Variants in ADGRF5 observed in about 807,000 individuals in gnomAD.
The protein encoded by ADGRF5 is adhesion G protein-coupled receptor F5, also known as G-protein coupled receptor 116.
ADGRF5 carries 75 observed loss-of-function variants against 132.3 expected under a neutral mutation model. That is an observed-to-expected ratio of 0.57 (90% confidence interval 0.47 to 0.69). The LOEUF is 0.69. ADGRF5 is among the 30% of genes least tolerant of loss of function. ADGRF5 has a pLI of 0.00. For missense variants in ADGRF5, 1,516 were observed against 1,630.6 expected (o/e 0.93, Z 1.21); for synonymous variants, 629 against 597.6 (o/e 1.05, Z -0.77).
In ADGRF5 at chr6:46,877,277, TTC is replaced by T. The variant is rs1486517053; in HGVS notation, c.1240+923_1240+924del. ...TTTCTTTCTTTCTTTCTTTCTTTCT[TTC>T]TTTCTTTCTTTCTCTCTCTCTCTCT... On this transcript the variant is annotated intron_variant, in intron 10 of 20. Transcript: ENST00000283296. 2.6e-4 allele frequency among the ~76,000 whole-genome samples: 12 copies of T among 46,152 alleles called. No homozygotes were observed. In the East Asian group the frequency reaches 5.0e-3, roughly 19 times the overall value. 30.3% of individuals were successfully genotyped at this position (46,152 alleles called of 152,430 possible).
At chr6:46,899,413 G>A (rs1562212280) in intron 3 of ADGRF5, among the ~76,000 whole-genome samples, 1 of 152,096 alleles carries the variant, frequency 6.6e-6, no homozygotes, top group South Asian at 2.1e-4. Context: ...CCAGGTCCTG[G>A]GAATACCCAG....
intron 1 of ADGRF5, among the ~76,000 whole-genome samples, chr6:46,909,468 C>G (rs1651768023): frequency 6.6e-6 from 1 of 152,194 alleles, no homozygotes; most frequent in African/African-American, 2.4e-5. Context: ...ACTCTATTTT[C>G]CTGTCTGTGA....
chr6:46,942,321 G>A (rs1001192317), intron 1 of ADGRF5, among the ~76,000 whole-genome samples: 1 of 152,204 alleles, frequency 6.6e-6, no homozygotes, highest in Non-Finnish European at 1.5e-5. Context: ...ACTTAGCGCA[G>A]TATCTGGCAC....
Position 46,856,638 on chromosome 6 carries a change from A to C in ADGRF5, c.3876+80T>G, listed in dbSNP as rs1459120905. The C allele has an allele frequency of 8.4e-6, 8 of 948,392 alleles. No homozygotes were observed. In the Admixed American group the frequency reaches 1.8e-4, roughly 21 times the overall value. The allele number at this position is 948,392 out of a possible 1,614,324, so 58.7% of individuals were successfully genotyped here. On this transcript the variant is annotated intron_variant, in intron 19 of 20. Transcript: ENST00000283296. ...AATTGATCAAAATCCCAAAGAAAAA[A>C]TTTAGTACTCTGTACTTCAGAATGC...
At chr6:46,889,239 GTC>G (rs1391170225) in intron 3 of ADGRF5, among the ~76,000 whole-genome samples, 1 of 145,384 alleles carries the variant, frequency 6.9e-6, no homozygotes, top group East Asian at 2.0e-4. Context: ...AGTATATACA[GTC>G]TCTATATAGA....
intron 12 of ADGRF5, among the ~76,000 whole-genome samples, chr6:46,867,469 G>A (rs1770578939): frequency 1.3e-5 from 2 of 152,168 alleles, no homozygotes; most frequent in Admixed American, 6.5e-5. Flanking sequence ...CCAACCCAAG[G>A]AATAAATGGG....
Position 46,858,109 on chromosome 6 carries a change from C to A in ADGRF5, c.3774+20G>T, listed in dbSNP as rs770669143. Reference sequence around the variant, plus strand: ...TACAGGAATAAAATCTTCCTGAAAGCTCCGCACTGTAAAACTCACCTGGAA... The same window carrying A: ...TACAGGAATAAAATCTTCCTGAAAGATCCGCACTGTAAAACTCACCTGGAA... On this transcript the variant is annotated intron_variant, in intron 17 of 20. Transcript: ENST00000283296. 8.8e-5 allele frequency: 139 copies of A among 1,570,958 alleles called. No individual in the cohort carries two copies. The highest frequency in any genetic ancestry group is 1.1e-4 in the Non-Finnish European group (125 of 1,150,480).
At chr6:46,890,919 T>C (rs1164602813) in intron 3 of ADGRF5, among the ~76,000 whole-genome samples, 1 of 152,218 alleles carries the variant, frequency 6.6e-6, no homozygotes, top group Non-Finnish European at 1.5e-5. Flanking sequence ...AGAGTAAGTT[T>C]ATCCTGGGAA....
At chr6:46,932,461 G>A (rs1777599164) in intron 1 of ADGRF5, among the ~76,000 whole-genome samples, 2 of 152,128 alleles carry the variant, frequency 1.3e-5, no homozygotes, top group African/African-American at 4.8e-5. Context: ...CCAAAGAAAA[G>A]TCACAGCATG....
At chr6:46,927,531 T>C (rs1430733541) in intron 1 of ADGRF5, among the ~76,000 whole-genome samples, 1 of 152,002 alleles carries the variant, frequency 6.6e-6, no homozygotes, top group Non-Finnish European at 1.5e-5. Context: ...GAAATAATGG[T>C]TGTAAGTAGA....
intron 14 of ADGRF5, 76 bp downstream of exon 14, chr6:46,864,956 TTGAATGGGGA>T (rs1203859590): frequency 4.5e-6 from 4 of 887,730 alleles, no homozygotes; most frequent in Non-Finnish European, 7.2e-6. Context: ...CATATGTTTA[TTGAATGGGGA>T]TGAATGAGGG....
At chr6:46,919,765 T>C (rs1255055393) in intron 1 of ADGRF5, among the ~76,000 whole-genome samples, 1 of 152,244 alleles carries the variant, frequency 6.6e-6, no homozygotes, top group Admixed American at 6.5e-5. Flanking sequence ...CAGCAAGGCC[T>C]AGTGGCTCTA....
chr6:46,879,284 C>A (rs538914713), intron 9 of ADGRF5, among the ~76,000 whole-genome samples: 1 of 150,330 alleles, frequency 6.7e-6, no homozygotes, highest in African/African-American at 2.5e-5. Context: ...CAATTAATAC[C>A]ACGGTGATAT....
At chr6:46,864,549 C>T (rs1489530246) in intron 14 of ADGRF5, among the ~76,000 whole-genome samples, 4 of 142,012 alleles carry the variant, frequency 2.8e-5, no homozygotes, top group Non-Finnish European at 4.5e-5. Flanking sequence ...TTTTTTGAGA[C>T]GGAATCTCTC....
intron 10 of ADGRF5, among the ~76,000 whole-genome samples, chr6:46,874,586 C>T (rs560377145): frequency 5.3e-5 from 8 of 152,236 alleles, no homozygotes; most frequent in African/African-American, 1.9e-4. Flanking sequence ...AACAGACATT[C>T]AGGATTTTAA....
chr6:46,944,672 G>T (rs760756437), intron 1 of ADGRF5, among the ~76,000 whole-genome samples: 1 of 151,988 alleles, frequency 6.6e-6, no homozygotes. Flanking sequence ...ATGTCATTAC[G>T]GTTCTCTTAT....
At chr6:46,883,973 C>G in intron 5 of ADGRF5, 122 bp downstream of exon 5, 1 of 862,542 alleles carries the variant, frequency 1.2e-6, no homozygotes, top group South Asian at 1.6e-5. Flanking sequence ...AAGTCCTGAC[C>G]ACAGGTGATC....
chr6:46,854,743 C>T (rs1380391099), intron 20 of ADGRF5: 1 of 1,287,082 alleles, frequency 7.8e-7, no homozygotes, highest in Admixed American at 2.3e-5. Context: ...CCACCGCTAA[C>T]AAGGTTTCCG....
At chr6:46,936,002 G>C (rs1303467376) in intron 1 of ADGRF5, among the ~76,000 whole-genome samples, 4 of 152,210 alleles carry the variant, frequency 2.6e-5, no homozygotes, top group Admixed American at 2.6e-4. Context: ...CCAGAAAGCA[G>C]AGCAACTGCA....
Sources: allele counts gnomAD v4.1 joint callset (sites outside exome capture counted in the v4.1 genomes callset), GRCh38; gene constraint gnomAD v4.1.1; transcripts MANE v1.5; gene names NCBI Gene and HGNC (gene_info 2026-07-23, HGNC 2026-07-21).